MYO10: variants seen among roughly 807,000 people sequenced by gnomAD.
MYO10 encodes unconventional myosin-X.
A neutral mutation model predicts 257.3 loss-of-function variants in MYO10; 133 were observed. The ratio of observed to expected loss-of-function variants is 0.52; its 90% CI spans 0.45 to 0.60. The LOEUF (loss-of-function observed/expected upper bound fraction) is 0.60. Ranked by LOEUF, MYO10 falls within the 20% of genes least tolerant of loss-of-function variation. The probability of loss-of-function intolerance (pLI) is 0.00; values close to 1 mark genes in which losing one functional copy is unlikely to be tolerated. For missense variants in MYO10, 2,399 were observed against 2,635.7 expected, an observed-to-expected ratio of 0.91 and a Z score of 1.97; for synonymous variants, 1,104 against 1,028.6, an observed-to-expected ratio of 1.07 and a Z score of -1.40.
At chr5:16,748,494 C>G in intron 19 of MYO10, among the ~76,000 whole-genome samples, 1 of 150,590 alleles carries the variant, frequency 6.6e-6, no homozygotes, top group Non-Finnish European at 1.5e-5. Context: ...ATCCGCGCCC[C>G]CCCGCCCCCC....
Position 16,777,678 on chromosome 5 carries a change from T to C in MYO10, c.930+1867A>G, listed in dbSNP as rs61594928. Among the ~76,000 whole-genome samples, 395 of 152,030 alleles carry C rather than the reference T, an allele frequency of 2.6e-3. 1 individual carries two copies. The highest frequency in any genetic ancestry group is 9.3e-3 in the African/African-American group (384 of 41,462). On this transcript the variant is annotated intron_variant, in intron 9 of 40. Coordinates refer to ENST00000513610, the MANE Select transcript of MYO10 (RefSeq NM_012334.3). ...GCTGGTCACTAACTTCTCTGAGTCT[T>C]AGAATGGAGACAACCATACTTCCTA...
intron 3 of MYO10, among the ~76,000 whole-genome samples, chr5:16,797,496 G>A (rs192536878): frequency 3.5e-4 from 53 of 152,198 alleles, no homozygotes; most frequent in Admixed American, 1.4e-3. Context: ...AAAAAGAAGC[G>A]AAAGAAAATA....
rs1736080966 is a variant in MYO10, at chr5:16,664,439, CTT to C, written c.*2251_*2252del. Reference sequence around the variant, plus strand: ...AAACAAAGACAACACACATCCAAGTCTTTGCCGGCTTTCCTTGGGTGCCTGGC... The same window carrying C: ...AAACAAAGACAACACACATCCAAGTCTGCCGGCTTTCCTTGGGTGCCTGGC... On this transcript the variant is annotated 3_prime_UTR_variant, in exon 41 of 41. Coordinates refer to ENST00000513610, the MANE Select transcript of MYO10 (RefSeq NM_012334.3). The C allele has an allele frequency of 6.6e-6, 1 of 152,214 alleles. No homozygotes were observed. Among genetic ancestry groups the C allele is most frequent in the South Asian group, 2.1e-4 (1 of 4,830 alleles). 9.4% of individuals were successfully genotyped at this position (152,214 alleles called of 1,614,324 possible). A position where few individuals can be genotyped will look rare whatever the true frequency, so the allele number is the denominator to read the frequency against.
At chr5:16,865,639 C>CG (rs1744223020) in intron 2 of MYO10, among the ~76,000 whole-genome samples, 1 of 151,816 alleles carries the variant, frequency 6.6e-6, no homozygotes, top group Admixed American at 6.6e-5. Context: ...GGTGAAACCC[C>CG]GTCTCTCCTA....
chr5:16,877,800 T>A, intron 1 of MYO10, 93 bp from the exon 2 acceptor site: 2 of 892,316 alleles, frequency 2.2e-6, no homozygotes, highest in Non-Finnish European at 3.4e-6. Flanking sequence ...TATATTCCTT[T>A]AAAAAAAATC....
Position 16,869,519 on chromosome 5 carries a change from C to T in MYO10, c.120+8090G>A, listed in dbSNP as rs952383751. Among the ~76,000 whole-genome samples the T allele has an allele frequency of 3.3e-5, 5 of 152,106 alleles. No homozygotes were observed. In the East Asian group the frequency reaches 7.8e-4, roughly 24 times the overall value. On this transcript the variant is annotated intron_variant, in intron 2 of 40. Coordinates refer to ENST00000513610, the MANE Select transcript of MYO10 (RefSeq NM_012334.3). ...CAAGCCCAGGAGTTACAATGAGCTA[C>T]GACTGGACCACTGCACCCCAGCCTA...
chr5:16,834,901 C>T (rs569103968), intron 2 of MYO10, among the ~76,000 whole-genome samples: 2 of 152,292 alleles, frequency 1.3e-5, no homozygotes, highest in East Asian at 3.9e-4. Flanking sequence ...AACAGTTGGG[C>T]GCAGTGGCTC....
rs78806694 is a variant in MYO10 at position 16,747,574 on chromosome 5, A to G, written c.1929+7254T>C. Among the ~76,000 whole-genome samples the G allele has an allele frequency of 8.2e-3, 1,250 of 152,332 alleles. 15 individuals are homozygous for G. Among genetic ancestry groups the G allele is most frequent in the African/African-American group, 0.027 (1,143 of 41,568 alleles). ...TTATTCACAAACTAGCATTAGGGCA[A>G]AGAGACCAAAGTCAAAAGCTTAGTA... On this transcript the variant is annotated intron_variant, in intron 19 of 40. Coordinates refer to ENST00000513610, the MANE Select transcript of MYO10 (RefSeq NM_012334.3).
chr5:16,704,862 A>T (rs996790456), intron 21 of MYO10, among the ~76,000 whole-genome samples, 177 bp from the exon 22 acceptor site: 1 of 152,240 alleles, frequency 6.6e-6, no homozygotes, highest in Non-Finnish European at 1.5e-5. Flanking sequence ...GGGCTAAAAC[A>T]GTTGCAAAAT....
intron 2 of MYO10, among the ~76,000 whole-genome samples, chr5:16,821,210 C>T (rs1742795516): frequency 1.3e-5 from 2 of 148,660 alleles, no homozygotes; most frequent in Admixed American, 1.3e-4. Context: ...AATTATCTTG[C>T]TGTTCCTGGT....
Position 16,762,636 on chromosome 5 carries a change from T to C in MYO10, c.1496A>G (p.Lys499Arg). The change falls in exon 15 of 41, where the codon AAA becomes AGA. Residue 499 changes from lysine to arginine, a missense_variant and splice_region_variant. Lys to Arg is a conservative substitution (Grantham distance 26). Around this residue, in one of 3 missense-constraint regions of MYO10, gnomAD observed 337 missense variants for 446.8 expected, o/e 0.75. Coordinates refer to ENST00000513610, the MANE Select transcript of MYO10 (RefSeq NM_012334.3). ...NGECLDLIEK[K>R]LGLLALINEE... Reference sequence around the variant, plus strand: ...ATTGATAAGGGCTAGGAGGCCAAGTTTCTAGAAGAAGAAAAAGAAAAAATG... The same window carrying C: ...ATTGATAAGGGCTAGGAGGCCAAGTCTCTAGAAGAAGAAAAAGAAAAAATG... The C allele has an allele frequency of 6.3e-7, 1 of 1,594,696 alleles. No homozygotes were observed. The highest frequency in any genetic ancestry group is 8.5e-7 in the Non-Finnish European group (1 of 1,169,596).
intron 33 of MYO10, among the ~76,000 whole-genome samples, chr5:16,677,756 A>G (rs577522340): frequency 3.6e-5 from 5 of 139,726 alleles, no homozygotes; most frequent in African/African-American, 1.4e-4. Context: ...TTGAAAAATC[A>G]TATTTACTCT....
intron 26 of MYO10, among the ~76,000 whole-genome samples, chr5:16,696,959 T>C (rs1737774463): frequency 6.6e-6 from 1 of 152,162 alleles, no homozygotes; most frequent in African/African-American, 2.4e-5. Flanking sequence ...GAATTATATA[T>C]TAGTAAAAAC....
intron 4 of MYO10, among the ~76,000 whole-genome samples, chr5:16,793,635 T>A (rs1741837574): frequency 1.3e-5 from 2 of 152,262 alleles, no homozygotes; most frequent in South Asian, 4.1e-4. Context: ...TAAATATTTA[T>A]TTTAAAAATA....
chr5:16,792,130 C>G (rs62369312), intron 4 of MYO10, among the ~76,000 whole-genome samples: 3,631 of 80,292 alleles, frequency 0.045, 131 homozygotes, highest in African/African-American at 0.11. Flanking sequence ...CACACACACA[C>G]ACAGAGAGAG....
At chr5:16,725,315 C>T (rs1018702914) in intron 19 of MYO10, among the ~76,000 whole-genome samples, 4 of 151,906 alleles carry the variant, frequency 2.6e-5, no homozygotes, top group South Asian at 2.1e-4. Flanking sequence ...AGGCTGGTTT[C>T]GAACTCCTGA....
chr5:16,697,527 C>T (rs1737808721), intron 26 of MYO10, among the ~76,000 whole-genome samples: 1 of 152,052 alleles, frequency 6.6e-6, no homozygotes, highest in African/African-American at 2.4e-5. Context: ...TGGTGAAACC[C>T]TGTCTCTACT....
intron 19 of MYO10, among the ~76,000 whole-genome samples, chr5:16,748,354 C>A (rs1432393862): frequency 6.6e-6 from 1 of 152,300 alleles, no homozygotes; most frequent in Admixed American, 6.5e-5. Context: ...AAACAACTCT[C>A]GTGCCTCAGC....
intron 1 of MYO10, among the ~76,000 whole-genome samples, chr5:16,918,064 C>T (rs1745874100): frequency 6.6e-6 from 1 of 152,200 alleles, no homozygotes; most frequent in Admixed American, 6.5e-5. Context: ...TAAATCACAG[C>T]CTTCAAAAGC....
Sources: gnomAD v4.1 joint callset for allele counts (sites outside exome capture counted in the v4.1 genomes callset) on GRCh38, gnomAD v4.1.1 for gene constraint, gnomAD v4.1.1 regional missense constraint, MANE v1.5 for transcripts, NCBI Gene and HGNC (gene_info 2026-07-23, HGNC 2026-07-21) for gene names.